Variants in GART observed in about 807,000 individuals in gnomAD.
GART encodes phosphoribosylglycinamide formyltransferase, phosphoribosylglycinamide synthetase, phosphoribosylaminoimidazole synthetase.
Under a neutral mutation model 107.2 loss-of-function variants are expected in GART, and 43 were observed. The observed-to-expected ratio is 0.40, with a 90% CI of 0.31 to 0.52. The LOEUF (loss-of-function observed/expected upper bound fraction) is 0.52, where lower values mean the gene tolerates loss of function less well. Among genes scored for constraint, GART ranks in the 20% least tolerant of loss-of-function variants. The pLI is 0.52. For missense variants in GART, 1,107 were observed against 1,206.5 expected, an observed-to-expected ratio of 0.92 and a Z score of 1.22; for synonymous variants, 434 against 427.0, an observed-to-expected ratio of 1.02 and a Z score of -0.20.
At chr21:33,530,052 C>A (rs937073118) in intron 7 of GART, among the ~76,000 whole-genome samples, 1 of 151,984 alleles carries the variant, frequency 6.6e-6, no homozygotes, top group Non-Finnish European at 1.5e-5. Context: ...ATTAGCCTGG[C>A]GTGGTGGCCT....
chr21:33,506,144 C>T (rs763686585), intron 18 of GART, 40 bp from the exon 19 acceptor site: 16 of 1,573,262 alleles, frequency 1.0e-5, no homozygotes, highest in Non-Finnish European at 1.4e-5. Flanking sequence ...CATACTACTA[C>T]TTCTTTTTTT....
chr21:33,533,673 G>A (rs542176881), intron 4 of GART, among the ~76,000 whole-genome samples: 1 of 152,152 alleles, frequency 6.6e-6, no homozygotes, highest in Non-Finnish European at 1.5e-5. Flanking sequence ...GGGAGGCAGA[G>A]AGAGGCGGAT....
At position 33,506,020 on chromosome 21, in the gene GART, G is replaced by A. The variant is rs1362063788; in HGVS notation, c.2537C>T (p.Ala846Val). 6.2e-6 allele frequency: 10 copies of A among 1,614,042 alleles called. No homozygotes were observed. The highest frequency in any genetic ancestry group is 7.6e-6 in the Non-Finnish European group (9 of 1,180,034). The change falls in exon 19 of 22, where the codon GCA becomes GTA. Residue 846 changes from alanine (A) to valine (V), a missense_variant. Physicochemically the swap from Ala to Val is moderately conservative, Grantham distance 64. Coordinates refer to ENST00000381815, the MANE Select transcript of GART (RefSeq NM_000819.5). ...TTCCGCTTTATCTAACCCAGCTACT[G>A]CGGCTTTGTTGGAGATAACAATATC... is the stretch of plus-strand genomic sequence containing the variant. ...QIDIVISNKA[A>V]VAGLDKAERA...
At chr21:33,516,916 C>T in intron 16 of GART, 73 bp downstream of exon 16, 1 of 1,291,090 alleles carries the variant, frequency 7.7e-7, no homozygotes, top group Admixed American at 2.2e-5. Context: ...CATTAACTAC[C>T]CATAGTTTTC....
chr21:33,539,079 C>T (rs941897769), intron 2 of GART, 92 bp downstream of exon 2: 8 of 1,275,342 alleles, frequency 6.3e-6, no homozygotes, highest in Non-Finnish European at 8.7e-6. Flanking sequence ...TGTGCCCAGC[C>T]TATCTTTATT....
intron 16 of GART, among the ~76,000 whole-genome samples, chr21:33,512,845 A>G (rs1048699543): frequency 2.6e-5 from 4 of 151,662 alleles, no homozygotes; most frequent in African/African-American, 7.3e-5. Context: ...TCAGCCTCCC[A>G]AAGCGCTGGG....
chr21:33,528,116 G>C lies in GART; in HGVS notation c.1066+51C>G, dbSNP rs1452377521. On this transcript the variant is annotated intron_variant, in intron 10 of 21. Coordinates refer to ENST00000381815, the MANE Select transcript of GART (RefSeq NM_000819.5). ...TAGTGTGAGAGGGGGGTCTGCTGTG[G>C]TGCTGGCACTTGTCACGTTGTACTC... 6 of 1,563,400 alleles carry C rather than the reference G, an allele frequency of 3.8e-6. No individual in the cohort carries two copies. The African/African-American group carries it at 8.1e-5, about 21-fold the overall frequency.
rs1455776218 is a variant in GART at position 33,517,539 on chromosome 21, C to T, written c.1772G>A (p.Gly591Asp). The part of the protein sequence containing the change: ...GEYDLAGFAV[G>D]AMERDQKLPH... The stretch of plus-strand genomic sequence containing the variant: ...GAGTTTCTGATCTCGCTCCATGGCA[C>T]CAACGGCAAACCCAGCTAGGTCATA... The change falls in exon 15 of 22, where the codon GGT (glycine) becomes GAT (aspartate). Residue 591 changes from glycine to aspartate, a missense_variant. Transcript: ENST00000381815. 6.2e-7 allele frequency: 1 copy of T among 1,614,186 alleles called. No individual in the cohort carries two copies. Among genetic ancestry groups the T allele is most frequent in the Admixed American group, 1.7e-5 (1 of 60,020 alleles).
chr21:33,507,439 C>T (rs2084701570), intron 18 of GART, among the ~76,000 whole-genome samples: 1 of 151,982 alleles, frequency 6.6e-6, no homozygotes, highest in Non-Finnish European at 1.5e-5. Context: ...CTAATGGGTA[C>T]AAAAATATAG....
At chr21:33,541,354 C>A (rs149655047) in intron 1 of GART, among the ~76,000 whole-genome samples, 1 of 152,156 alleles carries the variant, frequency 6.6e-6, no homozygotes, top group Non-Finnish European at 1.5e-5. Flanking sequence ...ACTACGTTGG[C>A]CAGGCTGGTC....
intron 1 of GART, among the ~76,000 whole-genome samples, chr21:33,540,821 G>T (rs1255764778): frequency 6.6e-6 from 1 of 152,124 alleles, no homozygotes; most frequent in Non-Finnish European, 1.5e-5. Flanking sequence ...ACTTAACCTT[G>T]GGCAGGGTAC....
chr21:33,542,874 C>G, upstream of GART: 1 of 592,442 alleles, frequency 1.7e-6, no homozygotes, highest in East Asian at 2.8e-5. Context: ...TCGTGCGCGG[C>G]GCAAACGTCA....
intron 10 of GART, among the ~76,000 whole-genome samples, chr21:33,527,755 G>A (rs1225326911): frequency 2.6e-5 from 4 of 152,096 alleles, no homozygotes; most frequent in East Asian, 1.9e-4. Flanking sequence ...CTGTAAACTG[G>A]GGGTCAAACC....
At chr21:33,520,821 T>C (rs1292947660) in intron 13 of GART, 85 bp downstream of exon 13, 1 of 1,038,026 alleles carries the variant, frequency 9.6e-7, no homozygotes, top group South Asian at 1.4e-5. Flanking sequence ...TTAGCTCATA[T>C]ATGTCAAGAG....
At chr21:33,529,264 TA>T (rs2085136489) in intron 7 of GART, among the ~76,000 whole-genome samples, 1 of 152,216 alleles carries the variant, frequency 6.6e-6, no homozygotes, top group Admixed American at 6.5e-5. Context: ...GCATATTTCA[TA>T]AGTCTATATA....
chr21:33,526,633 T>C (rs375606488), intron 10 of GART, among the ~76,000 whole-genome samples: 2 of 152,154 alleles, frequency 1.3e-5, no homozygotes, highest in African/African-American at 2.4e-5. Flanking sequence ...ATCTTTTCAC[T>C]ATTATAACAC....
Position 33,528,830 on chromosome 21 carries a change from A to G in GART, c.811+20T>C, listed in dbSNP as rs747558450. 5 of 1,548,028 alleles carry G rather than the reference A, an allele frequency of 3.2e-6. No individual in the cohort carries two copies. The highest frequency in any genetic ancestry group is 2.3e-5 in the East Asian group (1 of 44,284). Reference sequence around the variant, plus strand: ...AAGTTACTCTATAGGTGGCTTCCATAGTAATGTGGGTGGGCCTACCTGTAT... The same window carrying G: ...AAGTTACTCTATAGGTGGCTTCCATGGTAATGTGGGTGGGCCTACCTGTAT... On this transcript the variant is annotated intron_variant, in intron 8 of 21. Transcript: ENST00000381815.
At chr21:33,531,308 C>A in intron 6 of GART, 181 bp downstream of exon 6, 1 of 625,896 alleles carries the variant, frequency 1.6e-6, no homozygotes, top group Non-Finnish European at 2.8e-6. Context: ...GGATGACTAA[C>A]AGAGGATCGA....
intron 20 of GART, 59 bp from the exon 21 acceptor site, chr21:33,504,586 G>T: frequency 1.6e-6 from 2 of 1,234,158 alleles, no homozygotes; most frequent in Non-Finnish European, 2.3e-6. Context: ...TTCTGTTAAA[G>T]GAATACGTTT....
Sources: gnomAD v4.1 joint callset for allele counts (sites outside exome capture counted in the v4.1 genomes callset) on GRCh38, gnomAD v4.1.1 for gene constraint, MANE v1.5 for transcripts, NCBI Gene and HGNC (gene_info 2026-07-23, HGNC 2026-07-21) for gene names.